ELMOD3: variants seen among roughly 807,000 people sequenced by gnomAD.
The protein encoded by ELMOD3 is ELMO domain-containing protein 3.
ELMOD3 carries 36 observed loss-of-function variants against 47.4 expected under a neutral mutation model. The ratio of observed to expected loss-of-function variants is 0.76; its 90% confidence interval spans 0.58 to 1.00. ELMOD3 has a LOEUF of 1.00. Ranked by LOEUF, ELMOD3 falls within the 50% of genes least tolerant of loss-of-function variation. ELMOD3 has a pLI of 0.00. For missense variants in ELMOD3, 404 were observed against 463.8 expected (o/e 0.87, Z 1.18); for synonymous variants, 149 against 183.5 (o/e 0.81, Z 1.52).
At chr2:85,382,521 C>CTTTTTTTTTTTT (rs112459154) in intron 11 of ELMOD3, among the ~76,000 whole-genome samples, 12 of 143,206 alleles carry the variant, frequency 8.4e-5, no homozygotes, top group South Asian at 2.3e-4. Context: ...GTCACAAGGA[C>CTTTTTTTTTTTT]TTTTTTTTTT....
intron 6 of ELMOD3, among the ~76,000 whole-genome samples, chr2:85,368,072 A>G (rs957011584): frequency 2.6e-5 from 4 of 152,032 alleles, no homozygotes; most frequent in Admixed American, 2.6e-4. Context: ...CACCACGCCC[A>G]GCTAATTTTT....
intron 11 of ELMOD3, among the ~76,000 whole-genome samples, chr2:85,385,058 A>G (rs1049911204): frequency 6.6e-6 from 1 of 152,204 alleles, no homozygotes; most frequent in Non-Finnish European, 1.5e-5. Flanking sequence ...GTATTTTTAT[A>G]GGGTGGTCAG....
At chr2:85,362,884 C>G (rs888137839) in intron 5 of ELMOD3, among the ~76,000 whole-genome samples, 19 of 152,220 alleles carry the variant, frequency 1.2e-4, no homozygotes, top group African/African-American at 4.3e-4. Context: ...GGCCACTGCA[C>G]TCCCGCCTGG....
chr2:85,382,230 G>C (rs147389165), intron 11 of ELMOD3, among the ~76,000 whole-genome samples: 7,297 of 150,762 alleles, frequency 0.048, 266 homozygotes, highest in Middle Eastern at 0.073. Flanking sequence ...ACGAGGTCAG[G>C]AGGTCAAGAC....
chr2:85,371,135 A>T lies in ELMOD3; in HGVS notation c.410A>T (p.His137Leu). The T allele has an allele frequency of 6.2e-7, 1 of 1,614,214 alleles. No homozygotes were observed. ...AGGACTGGGCTCGCCGCCCTCCGAC[A>T]CTACCTCTTCGGGCCTCCAAAGCTC... ...IRRTGLAALR[H>L]YLFGPPKLHQ... is the part of the protein sequence containing the mutation. Residue 137 changes from histidine (H) to leucine (L), a missense_variant, in exon 9 of 14, where the codon CAC (histidine) becomes CTC (leucine). By Grantham distance (99) the His-to-Leu change is moderately conservative. Coordinates refer to ENST00000409013, the MANE Select transcript of ELMOD3 (RefSeq NM_001135022.2).
intron 11 of ELMOD3, among the ~76,000 whole-genome samples, chr2:85,388,320 A>G (rs1479609218): frequency 3.3e-5 from 5 of 152,190 alleles, no homozygotes; most frequent in South Asian, 2.1e-4. Flanking sequence ...TTGAGGAACA[A>G]TGTTAGGGAA....
At chr2:85,382,662 C>G (rs892847181) in intron 11 of ELMOD3, among the ~76,000 whole-genome samples, 1 of 151,728 alleles carries the variant, frequency 6.6e-6, no homozygotes, top group Admixed American at 6.6e-5. Flanking sequence ...ACTACAGGCG[C>G]GTGCCACTAT....
At chr2:85,359,684 C>G (rs909270945) in intron 4 of ELMOD3, among the ~76,000 whole-genome samples, 1 of 152,162 alleles carries the variant, frequency 6.6e-6, no homozygotes, top group Non-Finnish European at 1.5e-5. Flanking sequence ...CCCACCACAG[C>G]CTCCCAAAGT....
intron 6 of ELMOD3, among the ~76,000 whole-genome samples, chr2:85,367,399 C>T (rs1684462363): frequency 6.6e-6 from 1 of 152,072 alleles, no homozygotes; most frequent in Admixed American, 6.6e-5. Flanking sequence ...AGAGGGAGAG[C>T]AGTCTGTGAA....
At chr2:85,383,600 A>G (rs1685737374) in intron 11 of ELMOD3, among the ~76,000 whole-genome samples, 1 of 152,144 alleles carries the variant, frequency 6.6e-6, no homozygotes, top group African/African-American at 2.4e-5. Context: ...TTGGGATTAT[A>G]GGTGTGAGCC....
Position 85,371,082 on chromosome 2 carries a change from C to A in ELMOD3, c.361-4C>A. 1 of 1,613,486 alleles carries A rather than the reference C, an allele frequency of 6.2e-7. No homozygotes were observed. Among genetic ancestry groups the A allele is most frequent in the South Asian group, 1.1e-5 (1 of 91,028 alleles). ...CTGCCCATTGCCTGCAACTTCTTCC[C>A]CAGAAAAGAATCCAGCCAACTATTC... On this transcript the variant is annotated splice_region_variant and splice_polypyrimidine_tract_variant and intron_variant, in intron 8 of 13. Coordinates refer to ENST00000409013, the MANE Select transcript of ELMOD3 (RefSeq NM_001135022.2).
intron 11 of ELMOD3, among the ~76,000 whole-genome samples, chr2:85,382,387 G>A (rs1351656391): frequency 3.3e-5 from 5 of 150,534 alleles, no homozygotes; most frequent in South Asian, 2.1e-4. Flanking sequence ...GTAGTGAGCC[G>A]AGATTGTGCC....
intron 11 of ELMOD3, 79 bp from the exon 12 acceptor site, chr2:85,389,672 C>G (rs1002630955): frequency 1.6e-6 from 2 of 1,226,208 alleles, no homozygotes; most frequent in Admixed American, 3.5e-5. Flanking sequence ...TGCTTGCCTG[C>G]GAGCCACACC....
intron 6 of ELMOD3, among the ~76,000 whole-genome samples, chr2:85,363,848 C>T (rs2104521764): frequency 1.3e-5 from 2 of 152,276 alleles, no homozygotes; most frequent in South Asian, 4.1e-4. Flanking sequence ...CAGAGACTGG[C>T]CCCCATGATT....
rs140701217 is a variant in ELMOD3 at position 85,364,059 on chromosome 2, G to A, written c.199+893G>A. ...CACAAGAATTGCATGAACCCAGGAG[G>A]TGGAGGTTGCAGTGAACCGAGATTG... On this transcript the variant is annotated intron_variant, in intron 6 of 13. Coordinates refer to ENST00000409013, the MANE Select transcript of ELMOD3 (RefSeq NM_001135022.2). 5.5e-3 allele frequency among the ~76,000 whole-genome samples: 836 copies of A among 152,204 alleles called. 9 individuals carry two copies. Among genetic ancestry groups the A allele is most frequent in the African/African-American group, 0.019 (802 of 41,514 alleles).
chr2:85,362,931 A>G (rs555880504), intron 5 of ELMOD3, among the ~76,000 whole-genome samples, 166 bp from the exon 6 acceptor site: 1 of 152,368 alleles, frequency 6.6e-6, no homozygotes, highest in African/African-American at 2.4e-5. Context: ...AAATAAATAA[A>G]TAAAAAGTAA....
intron 11 of ELMOD3, among the ~76,000 whole-genome samples, chr2:85,379,098 T>G (rs1452403742): frequency 6.6e-6 from 1 of 152,250 alleles, no homozygotes; most frequent in African/African-American, 2.4e-5. Flanking sequence ...TTGTCTGGCT[T>G]CAGTTTGCAG....
intron 6 of ELMOD3, among the ~76,000 whole-genome samples, chr2:85,366,341 T>C (rs1684388279): frequency 6.6e-6 from 1 of 152,126 alleles, no homozygotes; most frequent in African/African-American, 2.4e-5. Context: ...AGTTTTATTT[T>C]CTTGATCCTC....
chr2:85,382,963 A>ATCTT (rs1685685273), intron 11 of ELMOD3, among the ~76,000 whole-genome samples: 1 of 146,112 alleles, frequency 6.8e-6, no homozygotes, highest in East Asian at 2.1e-4. Flanking sequence ...AACAAAAAAA[A>ATCTT]CTCATCTTCC....
Sources: allele counts gnomAD v4.1 joint callset (sites outside exome capture counted in the v4.1 genomes callset), GRCh38; gene constraint gnomAD v4.1.1; transcripts MANE v1.5; gene names NCBI Gene and HGNC (gene_info 2026-07-23, HGNC 2026-07-21).